SPCS2: variants seen among roughly 807,000 people sequenced by gnomAD.
SPCS2 encodes SPase 25 kDa subunit.
SPCS2 carries 3 observed loss-of-function variants against 22.3 expected under a neutral mutation model. That is an observed-to-expected ratio of 0.13 (90% CI 0.06 to 0.35). The LOEUF (loss-of-function observed/expected upper bound fraction) is 0.35, where lower values mean the gene tolerates loss of function less well. SPCS2 is among the 10% of genes least tolerant of loss of function. The probability of loss-of-function intolerance (pLI) is 1.00; values close to 1 mark genes in which losing one functional copy is unlikely to be tolerated. For missense variants in SPCS2, 169 were observed against 280.9 expected, an observed-to-expected ratio of 0.60 and a Z score of 2.85; for synonymous variants, 67 against 97.2, an observed-to-expected ratio of 0.69 and a Z score of 1.83.
Position 74,958,975 on chromosome 11 carries a change from G to A in SPCS2, c.115-6059G>A, listed in dbSNP as rs755292154. Among the ~76,000 whole-genome samples, 221 of 152,050 alleles carry A rather than the reference G, an allele frequency of 1.5e-3. 1 individual carries two copies. Among genetic ancestry groups the A allele is most frequent in the Non-Finnish European group, 2.0e-3 (134 of 67,990 alleles). ...TCCCATGCTTAAAATACTCTCCATT[G>A]CCTGCTTCAGAATAAAGTTCAAGTT... On this transcript the variant is annotated intron_variant, in intron 1 of 4. Coordinates refer to ENST00000263672, the MANE Select transcript of SPCS2 (RefSeq NM_014752.3).
At position 74,970,345 on chromosome 11, in the gene SPCS2, A is replaced by G. The variant is rs147196328; in HGVS notation, c.494+646A>G. Among the ~76,000 whole-genome samples the G allele has an allele frequency of 5.9e-5, 9 of 152,326 alleles. No homozygotes were observed. The East Asian group carries it at 1.7e-3, about 29-fold the overall frequency. On this transcript the variant is annotated intron_variant, in intron 4 of 4. Transcript: ENST00000263672. ...CAAATGTTTATTGAACATTTACTGTATGTTGGGTATTCTGCTAAATGCATT... is the reference window on the plus strand; with the variant it reads ...CAAATGTTTATTGAACATTTACTGTGTGTTGGGTATTCTGCTAAATGCATT...
At chr11:74,972,072 CTT>C (rs368320288) in intron 4 of SPCS2, among the ~76,000 whole-genome samples, 1 of 146,790 alleles carries the variant, frequency 6.8e-6, no homozygotes. Context: ...CCTAGTTATT[CTT>C]TTTTTTTTTG....
intron 1 of SPCS2, among the ~76,000 whole-genome samples, chr11:74,957,066 T>G (rs1332239177): frequency 6.6e-6 from 1 of 152,182 alleles, no homozygotes; most frequent in Non-Finnish European, 1.5e-5. Flanking sequence ...ATTTGTTTAC[T>G]TTTTATCTTC....
intron 1 of SPCS2, among the ~76,000 whole-genome samples, chr11:74,955,388 G>A (rs565198877): frequency 1.2e-4 from 19 of 152,116 alleles, no homozygotes; most frequent in Non-Finnish European, 2.1e-4. Context: ...TAATTTGACC[G>A]TTAGAATAAA....
chr11:74,965,650 G>A, intron 2 of SPCS2, 113 bp from the exon 3 acceptor site: 1 of 876,128 alleles, frequency 1.1e-6, no homozygotes, highest in Non-Finnish European at 1.7e-6. Flanking sequence ...AATCCCAACT[G>A]GAGGGAACTA....
chr11:74,949,642 CT>C, intron 1 of SPCS2: 14 of 563,980 alleles, frequency 2.5e-5, no homozygotes, highest in East Asian at 8.3e-5. Flanking sequence ...GTCGCCACAC[CT>C]TTTTCGGTAA....
At chr11:74,953,079 G>A (rs952595229) in intron 1 of SPCS2, among the ~76,000 whole-genome samples, 1 of 152,104 alleles carries the variant, frequency 6.6e-6, no homozygotes, top group African/African-American at 2.4e-5. Context: ...TTAGAGGATG[G>A]TGCCTCTAAT....
rs994417423 is a variant in SPCS2, at chr11:74,973,065, C to T, written c.494+3366C>T. On this transcript the variant is annotated intron_variant, in intron 4 of 4. Transcript: ENST00000263672. ...GGGGAACATCCCTTCTCTTTCTTAC[C>T]CTAAGTGAAACCTGACCATAACCTC... Among the ~76,000 whole-genome samples the T allele has an allele frequency of 3.9e-5, 6 of 152,098 alleles. No individual in the cohort carries two copies. In the South Asian group the frequency reaches 1.0e-3, roughly 26 times the overall value.
chr11:74,971,926 G>T (rs1470445477), intron 4 of SPCS2, among the ~76,000 whole-genome samples: 1 of 152,160 alleles, frequency 6.6e-6, no homozygotes, highest in Non-Finnish European at 1.5e-5. Context: ...CAAGTTTCCA[G>T]TGACCCCGTA....
chr11:74,973,749 A>G (rs1280620736), intron 4 of SPCS2, among the ~76,000 whole-genome samples: 1 of 151,646 alleles, frequency 6.6e-6, no homozygotes, highest in Non-Finnish European at 1.5e-5. Context: ...CTCCTCCCCC[A>G]TCTTTACTCT....
chr11:74,961,389 G>T (rs571872221), intron 1 of SPCS2, among the ~76,000 whole-genome samples: 86 of 152,312 alleles, frequency 5.6e-4, no homozygotes, highest in African/African-American at 1.9e-3. Context: ...AAGTGGAAAA[G>T]TGAGGATTAA....
chr11:74,954,795 T>C (rs1565484582), intron 1 of SPCS2, among the ~76,000 whole-genome samples: 1 of 152,134 alleles, frequency 6.6e-6, no homozygotes. Context: ...ATCTACAGAA[T>C]GAGAGAAAAC....
At chr11:74,955,862 A>ACTT (rs1948475563) in intron 1 of SPCS2, among the ~76,000 whole-genome samples, 1 of 91,682 alleles carries the variant, frequency 1.1e-5, no homozygotes, top group South Asian at 3.0e-4. Flanking sequence ...ATATATATAT[A>ACTT]TATATATATA....
intron 1 of SPCS2, among the ~76,000 whole-genome samples, chr11:74,956,648 C>G (rs575107638): frequency 6.6e-6 from 1 of 152,304 alleles, no homozygotes; most frequent in African/African-American, 2.4e-5. Flanking sequence ...TTGTTCTCCA[C>G]ACAGCAGCCA....
intron 1 of SPCS2, 56 bp downstream of exon 1, chr11:74,949,455 A>T: frequency 6.8e-7 from 1 of 1,470,270 alleles, no homozygotes; most frequent in Non-Finnish European, 9.3e-7. Flanking sequence ...GGAGGCGGCG[A>T]GCCAACCTTC....
intron 4 of SPCS2, among the ~76,000 whole-genome samples, chr11:74,974,563 C>T (rs117401745): frequency 1.1e-3 from 173 of 152,290 alleles, no homozygotes; most frequent in Admixed American, 1.8e-3. Context: ...AACCATTTAC[C>T]ATCTCCACAG....
chr11:74,949,299 C>A lies in SPCS2; in HGVS notation c.14C>A (p.Ala5Asp). MAAA[A>D]VQGGRSGGSG... is the part of the protein sequence containing the mutation. ...GAGGCGGACAAGATGGCGGCGGCAG[C>A]TGTACAGGGCGGGAGAAGCGGTGGT... The change falls in exon 1 of 5, where the codon GCT becomes GAT. Residue 5 changes from alanine to aspartate, a missense_variant. Ala to Asp is a moderately radical substitution (Grantham distance 126). This residue lies in a region of SPCS2 where 51 missense variants were observed against 37.8 expected (regional missense o/e 1.35). Transcript: ENST00000263672. 6.5e-7 allele frequency: 1 copy of A among 1,543,196 alleles called. No individual in the cohort carries two copies. Among genetic ancestry groups the A allele is most frequent in the Non-Finnish European group, 8.7e-7 (1 of 1,144,170 alleles).
At chr11:74,963,525 A>T in intron 1 of SPCS2, 1 of 399,966 alleles carries the variant, frequency 2.5e-6, no homozygotes, top group Non-Finnish European at 4.9e-6. Flanking sequence ...TTTTTATCCC[A>T]TCTCTTATTT....
At position 74,969,137 on chromosome 11, in the gene SPCS2, A is replaced by G. The variant is rs150320171; in HGVS notation, c.360-428A>G. Among the ~76,000 whole-genome samples, 11 of 152,394 alleles carry G rather than the reference A, an allele frequency of 7.2e-5. No homozygotes were observed. In the East Asian group the frequency reaches 2.1e-3, roughly 29 times the overall value. ...AGTACTATTTGACATACTCTCTTAT[A>G]GTAAACTATTTGGGTCACTTTTCTT... On this transcript the variant is annotated intron_variant, in intron 3 of 4. Transcript: ENST00000263672.
Sources: gnomAD v4.1 joint callset for allele counts (sites outside exome capture counted in the v4.1 genomes callset) on GRCh38, gnomAD v4.1.1 for gene constraint, gnomAD v4.1.1 regional missense constraint, MANE v1.5 for transcripts, NCBI Gene and HGNC (gene_info 2026-07-23, HGNC 2026-07-21) for gene names.